The following NAV2 variants were observed in gnomAD, a reference collection of about 807,000 sequenced individuals.
NAV2 encodes the protein neuron navigator 2, also known as helicase, APC down-regulated 1.
Under a neutral mutation model 223.2 loss-of-function variants are expected in NAV2, and 54 were observed. The ratio of observed to expected loss-of-function variants is 0.24; its 90% CI spans 0.19 to 0.30. NAV2 has a LOEUF of 0.30. NAV2 is among the 10% of genes least tolerant of loss of function. The pLI is 1.00. For missense variants in NAV2, 2,806 were observed against 3,147.5 expected, an observed-to-expected ratio of 0.89 and a Z score of 2.60; for synonymous variants, 1,279 against 1,239.3, an observed-to-expected ratio of 1.03 and a Z score of -0.67.
At chr11:19,690,254 G>A (rs1364794) in intron 1 of NAV2, among the ~76,000 whole-genome samples, 98,862 of 152,152 alleles carry the variant, frequency 0.65, 36,844 homozygotes, top group Non-Finnish European at 0.82. Context: ...GAGTCACTGC[G>A]CCCAGCCCAT....
intron 6 of NAV2, among the ~76,000 whole-genome samples, chr11:19,906,770 G>A (rs2042899664): frequency 6.6e-6 from 1 of 152,290 alleles, no homozygotes; most frequent in African/African-American, 2.4e-5. Flanking sequence ...CTGTGGCCAA[G>A]GAAAGAAGGT....
chr11:20,048,681 C>A, intron 14 of NAV2, 47 bp from the exon 15 acceptor site: 1 of 1,531,690 alleles, frequency 6.5e-7, no homozygotes, highest in East Asian at 2.3e-5. Context: ...GTCCGGTGCC[C>A]CTTGGCACTG....
intron 1 of NAV2, among the ~76,000 whole-genome samples, chr11:19,492,231 G>A (rs2042653748): frequency 1.3e-5 from 2 of 151,870 alleles, no homozygotes; most frequent in Non-Finnish European, 2.9e-5. Flanking sequence ...TGGAAAAATG[G>A]CACCAGTGGA....
At chr11:20,091,145 C>G in intron 27 of NAV2, 127 bp downstream of exon 27, 1 of 843,612 alleles carries the variant, frequency 1.2e-6, no homozygotes. Flanking sequence ...CAGCCTTTAT[C>G]TCTTTTCAGT....
chr11:19,938,617 C>T lies in NAV2; in HGVS notation c.2034-1044C>T, dbSNP rs567054674. Reference sequence around the variant, plus strand: ...GAATAAGTTGGGCTGGTTTCCACACCGGGCTGCCATTTGTAACCTCTAGGT... The same window carrying T: ...GAATAAGTTGGGCTGGTTTCCACACTGGGCTGCCATTTGTAACCTCTAGGT... On this transcript the variant is annotated intron_variant, in intron 7 of 37. Coordinates refer to ENST00000349880, the MANE Select transcript of NAV2 (RefSeq NM_145117.5). Among the ~76,000 whole-genome samples the T allele has an allele frequency of 3.3e-5, 5 of 152,272 alleles. No homozygotes were observed. The South Asian group carries it at 6.2e-4, about 19-fold the overall frequency.
chr11:19,385,823 A>G (rs1028554668), intron 1 of NAV2, among the ~76,000 whole-genome samples: 1 of 139,234 alleles, frequency 7.2e-6, no homozygotes, highest in South Asian at 2.4e-4. Context: ...GTGCATTGGC[A>G]CGATCTCGGC....
intron 4 of NAV2, among the ~76,000 whole-genome samples, chr11:19,879,381 A>G (rs1023631761): frequency 2.0e-5 from 3 of 152,154 alleles, no homozygotes; most frequent in African/African-American, 7.2e-5. Context: ...GATGGGGGAC[A>G]CAGAGCCACG....
At chr11:19,417,408 C>T (rs1007240954) in intron 1 of NAV2, among the ~76,000 whole-genome samples, 1 of 152,166 alleles carries the variant, frequency 6.6e-6, no homozygotes, top group African/African-American at 2.4e-5. Context: ...CCATCCCATG[C>T]CAATTGGAAT....
intron 1 of NAV2, among the ~76,000 whole-genome samples, chr11:19,778,150 G>A (rs890566947): frequency 2.6e-5 from 4 of 152,192 alleles, no homozygotes; most frequent in Non-Finnish European, 5.9e-5. Flanking sequence ...TTTCCTTGCT[G>A]CCCAAAGAAG....
chr11:19,944,156 G>A (rs1190819828), intron 8 of NAV2, among the ~76,000 whole-genome samples: 8 of 152,156 alleles, frequency 5.3e-5, no homozygotes, highest in East Asian at 1.9e-4. Flanking sequence ...AGCTGAGATC[G>A]TGCCACTGCA....
intron 11 of NAV2, among the ~76,000 whole-genome samples, chr11:20,030,080 T>A (rs1043054369): frequency 6.6e-6 from 1 of 152,226 alleles, no homozygotes; most frequent in Non-Finnish European, 1.5e-5. Flanking sequence ...CCCATATTCC[T>A]GTTAGTTTCC....
At chr11:19,952,541 T>A (rs1329711348) in intron 10 of NAV2, among the ~76,000 whole-genome samples, 1 of 152,256 alleles carries the variant, frequency 6.6e-6, no homozygotes, top group African/African-American at 2.4e-5. Flanking sequence ...GTAGCCTTGA[T>A]GTATGAGTAA....
chr11:19,623,023 A>T (rs1216842851), intron 1 of NAV2, among the ~76,000 whole-genome samples: 1 of 152,124 alleles, frequency 6.6e-6, no homozygotes, highest in Non-Finnish European at 1.5e-5. Flanking sequence ...TTCACTTATG[A>T]AGCTTAGTTT....
At chr11:19,897,204 A>T (rs1457331525) in intron 6 of NAV2, among the ~76,000 whole-genome samples, 1 of 152,042 alleles carries the variant, frequency 6.6e-6, no homozygotes, top group Non-Finnish European at 1.5e-5. Context: ...GAACACAGGA[A>T]AGGGAACATC....
chr11:19,743,326 A>G (rs2053021031), intron 1 of NAV2, among the ~76,000 whole-genome samples: 1 of 152,202 alleles, frequency 6.6e-6, no homozygotes. Flanking sequence ...GGCCTAGCAT[A>G]ACCAACCACT....
Position 19,998,015 on chromosome 11 carries a change from G to T in NAV2, c.2768+13768G>T, listed in dbSNP as rs559551564. On this transcript the variant is annotated intron_variant, in intron 11 of 37. Coordinates refer to ENST00000349880, the MANE Select transcript of NAV2 (RefSeq NM_145117.5). This position sits in a 1 kb window ranked among gnomAD's most constrained non-coding sequence, Gnocchi z 5.0. ...TTGGAACAATAAGCTCCTAGGTATG[G>T]TCTCCCCCAAGACTGAGAGGAAGGA... is the stretch of plus-strand genomic sequence containing the variant. Among the ~76,000 whole-genome samples, 1 of 152,166 alleles carries T rather than the reference G, an allele frequency of 6.6e-6. No individual in the cohort carries two copies. Among genetic ancestry groups the T allele is most frequent in the Non-Finnish European group, 1.5e-5 (1 of 68,000 alleles).
At position 19,933,109 on chromosome 11, in the gene NAV2, G is replaced by A; in HGVS notation, c.932-67G>A. 1.4e-6 allele frequency: 2 copies of A among 1,466,712 alleles called. No homozygotes were observed. The highest frequency in any genetic ancestry group is 2.4e-5 in the Admixed American group (1 of 41,586). The allele number at this position is 1,466,712 out of a possible 1,614,324, so 90.9% of individuals were successfully genotyped here. On this transcript the variant is annotated intron_variant, in intron 6 of 37. Coordinates refer to ENST00000349880, the MANE Select transcript of NAV2 (RefSeq NM_145117.5). The surrounding 1 kb of genome is among the most constrained non-coding windows in gnomAD (Gnocchi z 4.3). Reference sequence around the variant, plus strand: ...AGTGATTGGTTGTGTGGCCATGGCTGACCCTCCCTGGTCTTCAGTGCAGGT... The same window carrying A: ...AGTGATTGGTTGTGTGGCCATGGCTAACCCTCCCTGGTCTTCAGTGCAGGT...
rs11267537 is a variant in NAV2 at position 20,106,175 on chromosome 11, A to ATATATATATG, written c.6841+449_6841+450insATATATATGT. On this transcript the variant is annotated intron_variant, in intron 35 of 37. Coordinates refer to ENST00000349880, the MANE Select transcript of NAV2 (RefSeq NM_145117.5). ...TGTGTGTATATATATATATATATAT[A>ATATATATATG]TGTGTGTGTATATATATATATATAT... 5.6e-4 allele frequency among the ~76,000 whole-genome samples: 20 copies of ATATATATATG among 35,826 alleles called. 1 individual carries two copies. The highest frequency in any genetic ancestry group is 1.2e-3 in the South Asian group (1 of 816). 23.5% of individuals were successfully genotyped at this position (35,826 alleles called of 152,430 possible).
intron 3 of NAV2, among the ~76,000 whole-genome samples, chr11:19,860,849 C>A (rs1442091562): frequency 6.9e-6 from 1 of 145,892 alleles, no homozygotes; most frequent in East Asian, 2.1e-4. Context: ...GCCAACACAG[C>A]GAAACCCCGT....
Sources: allele counts gnomAD v4.1 joint callset (sites outside exome capture counted in the v4.1 genomes callset), GRCh38; gene constraint gnomAD v4.1.1; non-coding constraint Gnocchi (gnomAD v3.1); transcripts MANE v1.5; gene names NCBI Gene and HGNC (gene_info 2026-07-23, HGNC 2026-07-21).